The following WDR7 variants were observed in gnomAD, a reference collection of about 807,000 sequenced individuals.
The protein encoded by WDR7 is WD repeat-containing protein 7.
In WDR7, 46 loss-of-function variants were observed where a neutral mutation model predicts 169.4. The ratio of observed to expected loss-of-function variants is 0.27; its 90% CI spans 0.21 to 0.35. The LOEUF (loss-of-function observed/expected upper bound fraction) is 0.35, where lower values mean the gene tolerates loss of function less well. Among genes scored for constraint, WDR7 ranks in the 10% least tolerant of loss-of-function variants. The pLI is 1.00. For synonymous variants in WDR7, 612 were observed against 666.8 expected, an observed-to-expected ratio of 0.92 and a Z score of 1.27; for missense variants, 1,534 against 1,859.3, an observed-to-expected ratio of 0.83 and a Z score of 3.22.
chr18:56,731,590 C>A lies in WDR7; in HGVS notation c.1982C>A (p.Ser661Tyr). ...ACTAACCTCTTGGCTTCTGAGGCAT[C>A]TGACAAGGTAAGTTTTATATGTGGG... ...LATNLLASEASDKGNLPKYSH... is the reference protein window; with the variant it reads ...LATNLLASEAYDKGNLPKYSH... The change falls in exon 14 of 28, where the codon TCT becomes TAT. Residue 661 changes from serine (S) to tyrosine (Y), a missense_variant. Coordinates refer to ENST00000254442, the MANE Select transcript of WDR7 (RefSeq NM_015285.3). 6.2e-7 allele frequency: 1 copy of A among 1,613,738 alleles called. No individual in the cohort carries two copies. The highest frequency in any genetic ancestry group is 8.5e-7 in the Non-Finnish European group (1 of 1,179,936).
At chr18:56,806,997 C>G (rs2044784308) in intron 19 of WDR7, among the ~76,000 whole-genome samples, 1 of 152,068 alleles carries the variant, frequency 6.6e-6, no homozygotes, top group African/African-American at 2.4e-5. Context: ...CTTTTTAAAG[C>G]CATCAACTTC....
intron 20 of WDR7, among the ~76,000 whole-genome samples, chr18:56,826,053 G>C (rs1231882929): frequency 2.3e-5 from 2 of 88,194 alleles, no homozygotes; most frequent in Non-Finnish European, 6.4e-5. Flanking sequence ...GCTGCATTGG[G>C]GTTGGGGGAG....
At chr18:57,011,663 A>C (rs574503951) in intron 26 of WDR7, among the ~76,000 whole-genome samples, 1 of 152,360 alleles carries the variant, frequency 6.6e-6, no homozygotes, top group Non-Finnish European at 1.5e-5. Context: ...TCAAGAAAAG[A>C]AATTATAGAG....
In WDR7 at chr18:56,880,072, A is replaced by G; in HGVS notation, c.3433A>G (p.Lys1145Glu). Residue 1145 changes from lysine to glutamate, a missense_variant, in exon 21 of 28, where the codon AAA becomes GAA. Coordinates refer to ENST00000254442, the MANE Select transcript of WDR7 (RefSeq NM_015285.3). Reference sequence around the variant, plus strand: ...ATTTGGTGCTGAAATTGAACCTCCTAAACTATTGACCAGACCTCGAAGCTC... The same window carrying G: ...ATTTGGTGCTGAAATTGAACCTCCTGAACTATTGACCAGACCTCGAAGCTC... ...AEFGAEIEPPKLLTRPRSSSQ... is the reference protein window; with the variant it reads ...AEFGAEIEPPELLTRPRSSSQ... The G allele has an allele frequency of 1.2e-6, 2 of 1,614,118 alleles. No individual in the cohort carries two copies. The highest frequency in any genetic ancestry group is 8.5e-7 in the Non-Finnish European group (1 of 1,179,978).
chr18:56,740,153 T>C (rs188552020), intron 14 of WDR7, among the ~76,000 whole-genome samples: 342 of 152,234 alleles, frequency 2.2e-3, no homozygotes, highest in Non-Finnish European at 3.9e-3. Flanking sequence ...CTGTGTTCCA[T>C]AGTACTGTTT....
intron 19 of WDR7, among the ~76,000 whole-genome samples, chr18:56,813,196 T>TA (rs112941474): frequency 2.9e-4 from 42 of 146,778 alleles, no homozygotes; most frequent in East Asian, 8.0e-4. Flanking sequence ...AAAAAAACAT[T>TA]AAAAAAAAAA....
intron 13 of WDR7, among the ~76,000 whole-genome samples, chr18:56,724,900 G>A (rs1229374338): frequency 5.9e-5 from 9 of 151,960 alleles, no homozygotes; most frequent in South Asian, 2.1e-4. Context: ...GAGAACATGC[G>A]GTGTTTGGTT....
rs572544079 is a variant in WDR7, at chr18:56,944,139, C to T, written c.4064+4746C>T. The stretch of plus-strand genomic sequence containing the variant: ...AAGTAGCTGGGACTTCAGGTGTGAG[C>T]CACCACGCCCAGCTCATTTTTGTAT... On this transcript the variant is annotated intron_variant, in intron 25 of 27. Coordinates refer to ENST00000254442, the MANE Select transcript of WDR7 (RefSeq NM_015285.3). 1.6e-4 allele frequency among the ~76,000 whole-genome samples: 24 copies of T among 151,886 alleles called. No individual in the cohort carries two copies. In the South Asian group the frequency reaches 5.0e-3, roughly 32 times the overall value.
chr18:56,706,718 C>T (rs1478830287), intron 12 of WDR7, among the ~76,000 whole-genome samples: 3 of 151,608 alleles, frequency 2.0e-5, no homozygotes, highest in Non-Finnish European at 2.9e-5. Context: ...GATGGAGTCT[C>T]GCTCTGTCAC....
chr18:57,017,235 GT>G (rs1353848464), intron 26 of WDR7, among the ~76,000 whole-genome samples: 2 of 152,230 alleles, frequency 1.3e-5, no homozygotes, highest in African/African-American at 4.8e-5. Flanking sequence ...GGCTGAGATT[GT>G]AATGAACTCA....
At chr18:56,986,128 TTGTG>T (rs60449836) in intron 26 of WDR7, among the ~76,000 whole-genome samples, 53,939 of 135,922 alleles carry the variant, frequency 0.4, 11,755 homozygotes, top group East Asian at 0.56. Context: ...TTCAGCTTCT[TTGTG>T]TGTGTGTGTG....
At chr18:57,022,399 T>G (rs944205824) in intron 27 of WDR7, among the ~76,000 whole-genome samples, 3 of 152,238 alleles carry the variant, frequency 2.0e-5, no homozygotes, top group African/African-American at 7.2e-5. Context: ...GGTACTGGCC[T>G]GTGCATTAGA....
chr18:56,961,790 T>G (rs1279280763), intron 25 of WDR7, among the ~76,000 whole-genome samples: 1 of 152,282 alleles, frequency 6.6e-6, no homozygotes, highest in Admixed American at 6.5e-5. Flanking sequence ...TTATTCACAC[T>G]GCTAAAAGCC....
intron 19 of WDR7, among the ~76,000 whole-genome samples, chr18:56,798,121 A>G: frequency 6.6e-6 from 1 of 152,308 alleles, no homozygotes; most frequent in East Asian, 1.9e-4. Context: ...TTTTATTTTT[A>G]AAGGATGTAA....
At chr18:56,962,643 C>A in intron 26 of WDR7, 114 bp downstream of exon 26, 1 of 893,190 alleles carries the variant, frequency 1.1e-6, no homozygotes, top group Non-Finnish European at 1.8e-6. Context: ...ATGGATAATG[C>A]TAAAGGGATC....
At chr18:56,824,528 T>G (rs2045162365) in intron 20 of WDR7, among the ~76,000 whole-genome samples, 1 of 152,244 alleles carries the variant, frequency 6.6e-6, no homozygotes, top group Non-Finnish European at 1.5e-5. Context: ...GCAGCACTCC[T>G]TATACACTGT....
At chr18:56,868,452 G>T (rs1294198022) in intron 20 of WDR7, among the ~76,000 whole-genome samples, 2 of 152,002 alleles carry the variant, frequency 1.3e-5, no homozygotes, top group Non-Finnish European at 2.9e-5. Flanking sequence ...AAATAAAAAT[G>T]ACCTTAGGTT....
chr18:56,768,618 G>T (rs1195628549), intron 16 of WDR7, among the ~76,000 whole-genome samples: 1 of 152,132 alleles, frequency 6.6e-6, no homozygotes, highest in Non-Finnish European at 1.5e-5. Flanking sequence ...ACTCTGAGTT[G>T]TCTAATATTT....
intron 26 of WDR7, among the ~76,000 whole-genome samples, chr18:56,965,125 T>G (rs1012325076): frequency 1.3e-5 from 2 of 152,190 alleles, no homozygotes; most frequent in Non-Finnish European, 2.9e-5. Flanking sequence ...GGGACAATTT[T>G]TTTTAGTATG....
Sources: allele counts gnomAD v4.1 joint callset (sites outside exome capture counted in the v4.1 genomes callset), GRCh38; gene constraint gnomAD v4.1.1; transcripts MANE v1.5; gene names NCBI Gene and HGNC (gene_info 2026-07-23, HGNC 2026-07-21).